Variants in RAP1A observed in about 807,000 individuals in gnomAD.
RAP1A encodes the protein RAP1A, member of RAS oncogene family, also known as ras-related protein Rap-1A.
RAP1A carries 6 observed loss-of-function variants against 26.4 expected under a neutral mutation model. The ratio of observed to expected loss-of-function variants is 0.23; its 90% CI spans 0.12 to 0.45. RAP1A has a LOEUF of 0.45. Ranked by LOEUF, RAP1A falls within the 20% of genes least tolerant of loss-of-function variation. RAP1A has a pLI of 0.99. For missense variants in RAP1A, 121 were observed against 217.2 expected (o/e 0.56, Z 2.78); for synonymous variants, 73 against 79.4 (o/e 0.92, Z 0.43).
In RAP1A at chr1:111,697,628, A is replaced by G. The variant is rs1314086522; in HGVS notation, c.183+131A>G. The G allele has an allele frequency of 4.1e-6, 6 of 1,472,206 alleles. No homozygotes were observed. In the East Asian group the frequency reaches 1.4e-4, roughly 35 times the overall value. The allele number at this position is 1,472,206 out of a possible 1,614,324, so 91.2% of individuals were successfully genotyped here. ...GATTAAGAAGAAATTCTCTGAACAT[A>G]GGGATTCTTAAGTATATGAAATCAA... On this transcript the variant is annotated intron_variant, in intron 4 of 7. Transcript: ENST00000369709.
chr1:111,705,823 A>G (rs1398109666), intron 6 of RAP1A, among the ~76,000 whole-genome samples: 2 of 152,224 alleles, frequency 1.3e-5, no homozygotes, highest in Non-Finnish European at 2.9e-5. Context: ...ACATGAGGTC[A>G]CTATCTACAA....
intron 1 of RAP1A, among the ~76,000 whole-genome samples, chr1:111,647,994 T>C (rs1231173953): frequency 1.3e-5 from 2 of 152,184 alleles, no homozygotes; most frequent in Admixed American, 6.5e-5. Flanking sequence ...GTAAATACTT[T>C]TTTCTGTTTA....
chr1:111,612,907 TTC>T (rs1273668284), intron 1 of RAP1A, among the ~76,000 whole-genome samples: 7 of 152,170 alleles, frequency 4.6e-5, no homozygotes, highest in Admixed American at 2.0e-4. Flanking sequence ...TGTCCATGCA[TTC>T]TCTCTCTTAG....
chr1:111,622,852 T>G (rs1055593315), intron 1 of RAP1A, among the ~76,000 whole-genome samples: 7 of 152,194 alleles, frequency 4.6e-5, no homozygotes, highest in Admixed American at 2.6e-4. Context: ...TTTCACAGTC[T>G]GTCATTGTTT....
intron 1 of RAP1A, among the ~76,000 whole-genome samples, chr1:111,575,446 C>T (rs1658129119): frequency 6.6e-6 from 1 of 152,194 alleles, no homozygotes; most frequent in Admixed American, 6.5e-5. Flanking sequence ...GGCCACCACA[C>T]CCAGCCTGAA....
At chr1:111,568,783 C>T (rs1657979242) in intron 1 of RAP1A, among the ~76,000 whole-genome samples, 1 of 152,096 alleles carries the variant, frequency 6.6e-6, no homozygotes, top group Non-Finnish European at 1.5e-5. Context: ...ATCTCTTCCG[C>T]CCCTGCCACT....
intron 1 of RAP1A, among the ~76,000 whole-genome samples, chr1:111,676,953 C>T (rs534033593): frequency 6.6e-6 from 1 of 152,018 alleles, no homozygotes; most frequent in Non-Finnish European, 1.5e-5. Flanking sequence ...GCCACCACAC[C>T]CAGCTAATTT....
intron 1 of RAP1A, among the ~76,000 whole-genome samples, chr1:111,607,839 C>T (rs1262980123): frequency 8.1e-6 from 1 of 123,966 alleles, no homozygotes; most frequent in Non-Finnish European, 1.7e-5. Context: ...ACCTCCCTCC[C>T]GGACGGGGCG....
chr1:111,657,538 A>G (rs1047295296), intron 1 of RAP1A, among the ~76,000 whole-genome samples: 1 of 152,008 alleles, frequency 6.6e-6, no homozygotes, highest in Non-Finnish European at 1.5e-5. Flanking sequence ...TGCCAAATCC[A>G]TTGTCATGTA....
chr1:111,560,791 TG>T (rs1171557263), intron 1 of RAP1A, among the ~76,000 whole-genome samples: 1 of 152,144 alleles, frequency 6.6e-6, no homozygotes, highest in Non-Finnish European at 1.5e-5. Flanking sequence ...AGCACCTGGC[TG>T]GGTAAATAGT....
intron 1 of RAP1A, among the ~76,000 whole-genome samples, chr1:111,572,669 C>T (rs1658073207): frequency 6.6e-6 from 1 of 152,160 alleles, no homozygotes; most frequent in Non-Finnish European, 1.5e-5. Flanking sequence ...GAGGCCCAGG[C>T]TAAGAAATAG....
At chr1:111,635,192 A>G (rs1659691104) in intron 1 of RAP1A, among the ~76,000 whole-genome samples, 1 of 152,188 alleles carries the variant, frequency 6.6e-6, no homozygotes, top group African/African-American at 2.4e-5. Context: ...AATAGGAAAG[A>G]TTTTGTACTG....
chr1:111,543,910 T>G (rs922381929), intron 1 of RAP1A, among the ~76,000 whole-genome samples: 3 of 152,182 alleles, frequency 2.0e-5, no homozygotes, highest in African/African-American at 7.2e-5. Flanking sequence ...TAGGCAAAGA[T>G]GGGGCTCTCT....
intron 1 of RAP1A, chr1:111,648,223 T>A (rs1307673759): frequency 1.1e-5 from 5 of 445,694 alleles, no homozygotes; most frequent in Non-Finnish European, 2.0e-5. Context: ...TTTTTTGACT[T>A]CCAGTGACCT....
At chr1:111,564,091 A>G (rs1657856272) in intron 1 of RAP1A, 1 of 598,710 alleles carries the variant, frequency 1.7e-6, no homozygotes, top group Non-Finnish European at 3.0e-6. Context: ...ATAAAGCCTT[A>G]AGCTCCTAAA....
chr1:111,545,385 A>G (rs1228755097), intron 1 of RAP1A, among the ~76,000 whole-genome samples: 1 of 152,120 alleles, frequency 6.6e-6, no homozygotes, highest in African/African-American at 2.4e-5. Flanking sequence ...GATGTTAAGC[A>G]TCTTTTCACA....
At chr1:111,699,496 C>G (rs1340143748) in intron 4 of RAP1A, among the ~76,000 whole-genome samples, 2 of 131,996 alleles carry the variant, frequency 1.5e-5, no homozygotes, top group Non-Finnish European at 3.1e-5. Context: ...GGGTCTCTCT[C>G]TGTCACCCAG....
intron 1 of RAP1A, among the ~76,000 whole-genome samples, chr1:111,572,937 C>T (rs1351751726): frequency 1.3e-5 from 2 of 152,124 alleles, no homozygotes; most frequent in Non-Finnish European, 2.9e-5. Flanking sequence ...GTCTATCGTT[C>T]CCCTCTTTGT....
intron 7 of RAP1A, 126 bp downstream of exon 7, chr1:111,709,390 T>A (rs529598797): frequency 1.3e-5 from 14 of 1,119,520 alleles, no homozygotes; most frequent in Non-Finnish European, 1.6e-5. Context: ...AAATGTGATA[T>A]ATAACTTGTA....
Sources: gnomAD v4.1 joint callset for allele counts (sites outside exome capture counted in the v4.1 genomes callset) on GRCh38, gnomAD v4.1.1 for gene constraint, MANE v1.5 for transcripts, NCBI Gene and HGNC (gene_info 2026-07-23, HGNC 2026-07-21) for gene names.